Variants in RSPO4 observed in about 807,000 individuals in gnomAD.
The protein encoded by RSPO4 is R-spondin-4.
A neutral mutation model predicts 24.8 loss-of-function variants in RSPO4; 23 were observed. The ratio of observed to expected loss-of-function variants is 0.93; its 90% CI spans 0.67 to 1.31. The LOEUF (loss-of-function observed/expected upper bound fraction) is 1.31, where lower values mean the gene tolerates loss of function less well. Among genes scored for constraint, RSPO4 ranks in the 40% most tolerant of loss-of-function variants. The pLI is 0.00. For missense variants in RSPO4, 333 were observed against 316.5 expected (o/e 1.05, Z -0.39); for synonymous variants, 141 against 127.4 (o/e 1.11, Z -0.72).
chr20:973,030 C>T (rs1364448676), intron 1 of RSPO4, among the ~76,000 whole-genome samples: 4 of 152,228 alleles, frequency 2.6e-5, no homozygotes, highest in Non-Finnish European at 5.9e-5. Context: ...TGAGAAAAAC[C>T]GAGAATCAAG....
chr20:973,366 G>A (rs1454903929), intron 1 of RSPO4, among the ~76,000 whole-genome samples: 3 of 144,752 alleles, frequency 2.1e-5, no homozygotes, highest in Admixed American at 2.0e-4. Context: ...GAGGCCAGAA[G>A]GGGTGGAGCT....
chr20:968,063 TGCTG>T lies in RSPO4; in HGVS notation c.151_154del (p.Gln51ArgfsTer174). 1 of 1,614,218 alleles carries T rather than the reference TGCTG, an allele frequency of 6.2e-7. No individual in the cohort carries two copies. Among genetic ancestry groups the T allele is most frequent in the Non-Finnish European group, 8.5e-7 (1 of 1,180,034 alleles). On this transcript the variant is annotated frameshift_variant, in exon 2 of 5. Coordinates refer to ENST00000217260, the MANE Select transcript of RSPO4 (RefSeq NM_001029871.4). LOFTEE classifies it high-confidence loss of function. ...CCGGCGGATGAACAGGAAGAGCCTC[TGCTG>T]GCAGGTGGAACAGCCGTTCTCCTCT...
chr20:964,831 CATATAT>C (rs9305152), intron 3 of RSPO4, among the ~76,000 whole-genome samples: 4,943 of 133,306 alleles, frequency 0.037, 378 homozygotes, highest in African/African-American at 0.15. Flanking sequence ...CACACACACA[CATATAT>C]ATATATATAT....
chr20:965,724 G>A (rs938177514), intron 3 of RSPO4, among the ~76,000 whole-genome samples: 1 of 152,136 alleles, frequency 6.6e-6, no homozygotes, highest in African/African-American at 2.4e-5. Flanking sequence ...TGGGAGCTTC[G>A]TGCTGCTTCA....
Position 983,958 on chromosome 20 carries a change from T to C in RSPO4, c.80-15820A>G, listed in dbSNP as rs77617523. Among the ~76,000 whole-genome samples the C allele has an allele frequency of 2.8e-3, 433 of 152,300 alleles. 20 individuals carry two copies. In the East Asian group the frequency reaches 0.078, roughly 27 times the overall value. Reference sequence around the variant, plus strand: ...CAGTCTTAGTAACAGATAGTTATTATTATTTTAAGTACTGGGGAGAGTCTA... The same window carrying C: ...CAGTCTTAGTAACAGATAGTTATTACTATTTTAAGTACTGGGGAGAGTCTA... On this transcript the variant is annotated intron_variant, in intron 1 of 4. Transcript: ENST00000217260.
intron 1 of RSPO4, among the ~76,000 whole-genome samples, 184 bp downstream of exon 1, chr20:1,001,902 T>G (rs1280637406): frequency 2.0e-5 from 3 of 152,070 alleles, no homozygotes; most frequent in African/African-American, 7.2e-5. Context: ...AATGGCTCGC[T>G]CACTGGGTGC....
At chr20:978,595 C>T (rs2122235212) in intron 1 of RSPO4, among the ~76,000 whole-genome samples, 1 of 152,272 alleles carries the variant, frequency 6.6e-6, no homozygotes, top group Non-Finnish European at 1.5e-5. Flanking sequence ...GGCTCACAGC[C>T]TATTTGGGAG....
At chr20:987,715 C>A (rs1214103136) in intron 1 of RSPO4, among the ~76,000 whole-genome samples, 1 of 152,134 alleles carries the variant, frequency 6.6e-6, no homozygotes, top group African/African-American at 2.4e-5. Flanking sequence ...TGCTTGAGCC[C>A]AAGAGGTCAA....
chr20:967,343 G>A, intron 2 of RSPO4, 29 bp from the exon 3 acceptor site: 2 of 1,612,938 alleles, frequency 1.2e-6, no homozygotes, highest in African/African-American at 1.3e-5. Flanking sequence ...CACCCCAGGT[G>A]AGGGAGACTG....
At chr20:964,253 A>C (rs918228473) in intron 3 of RSPO4, 133 bp from the exon 4 acceptor site, 2 of 670,454 alleles carry the variant, frequency 3.0e-6, no homozygotes, top group African/African-American at 3.6e-5. Flanking sequence ...ACCTGCTAGG[A>C]GCAGAGTTAT....
chr20:965,006 A>G (rs1031930428), intron 3 of RSPO4, among the ~76,000 whole-genome samples: 2 of 152,214 alleles, frequency 1.3e-5, no homozygotes, highest in East Asian at 3.9e-4. Context: ...CTCAAGACAC[A>G]GTGGGACCCA....
intron 4 of RSPO4, among the ~76,000 whole-genome samples, chr20:962,508 T>G (rs1333182758): frequency 1.3e-5 from 2 of 152,000 alleles, no homozygotes; most frequent in African/African-American, 2.4e-5. Flanking sequence ...CCATGAGAGG[T>G]GCCATGTGGT....
rs748838278 is a variant in RSPO4 at position 968,024 on chromosome 20, T to TGGCGGATGCCTTCCC, written c.179_193dup (p.Arg60_Arg64dup). 2.5e-6 allele frequency: 4 copies of TGGCGGATGCCTTCCC among 1,614,232 alleles called. No homozygotes were observed. Among genetic ancestry groups the TGGCGGATGCCTTCCC allele is most frequent in the Non-Finnish European group, 2.5e-6 (3 of 1,180,040 alleles). On this transcript the variant is annotated inframe_insertion, in exon 2 of 5. Transcript: ENST00000217260. Reference sequence around the variant, plus strand: ...ACAGTCGTGCAGGCACTTGCCGTACTGGCGGATGCCTTCCCGGCGGATGAA... The same window carrying TGGCGGATGCCTTCCC: ...ACAGTCGTGCAGGCACTTGCCGTACTGGCGGATGCCTTCCCGGCGGATGCCTTCCCGGCGGATGAA...
chr20:968,570 GT>G (rs774604937), intron 1 of RSPO4, among the ~76,000 whole-genome samples: 29 of 152,192 alleles, frequency 1.9e-4, no homozygotes, highest in Non-Finnish European at 7.3e-5. Flanking sequence ...TGTGTAGACT[GT>G]TACATGAGAG....
chr20:964,191 A>G (rs1984107703), intron 3 of RSPO4, 71 bp from the exon 4 acceptor site: 11 of 1,340,826 alleles, frequency 8.2e-6, no homozygotes, highest in African/African-American at 1.4e-5. Flanking sequence ...CTTCAGATCC[A>G]AGGGCAGGGT....
At position 958,475 on chromosome 20, in the gene RSPO4, T is replaced by C. The variant is rs1053148307; in HGVS notation, c.*1882A>G. ...CATTTACAAGTTTCTTTTCCCTTTA[T>C]TAAGAAAGTTTTAAAAAAAAGTTAG... On this transcript the variant is annotated 3_prime_UTR_variant, in exon 5 of 5. Coordinates refer to ENST00000217260, the MANE Select transcript of RSPO4 (RefSeq NM_001029871.4). 4 of 152,152 alleles carry C rather than the reference T, an allele frequency of 2.6e-5. No homozygotes were observed. Among genetic ancestry groups the C allele is most frequent in the Non-Finnish European group, 4.4e-5 (3 of 68,042 alleles). 9.4% of individuals were successfully genotyped at this position (152,152 alleles called of 1,614,324 possible).
chr20:985,233 A>C (rs113745876), intron 1 of RSPO4, among the ~76,000 whole-genome samples: 23,860 of 80,340 alleles, frequency 0.3, 5,577 homozygotes, highest in African/African-American at 0.65. Context: ...ACCCACCCAT[A>C]TATCCATCCA....
intron 1 of RSPO4, among the ~76,000 whole-genome samples, chr20:1,000,237 T>C (rs1985420305): frequency 6.6e-6 from 1 of 152,124 alleles, no homozygotes; most frequent in South Asian, 2.1e-4. Context: ...CCTCAGAAGA[T>C]ATCTTCTCAG....
At chr20:973,051 G>A (rs573665764) in intron 1 of RSPO4, among the ~76,000 whole-genome samples, 5 of 152,320 alleles carry the variant, frequency 3.3e-5, no homozygotes, top group Admixed American at 2.0e-4. Flanking sequence ...GAGGTGAAAC[G>A]ACATGTCCAG....
Sources: allele counts gnomAD v4.1 joint callset (sites outside exome capture counted in the v4.1 genomes callset), GRCh38; gene constraint gnomAD v4.1.1; transcripts MANE v1.5; gene names NCBI Gene and HGNC (gene_info 2026-07-23, HGNC 2026-07-21).